Variants in ANO4 observed in about 807,000 individuals in gnomAD.
ANO4 encodes the protein anoctamin 4.
Under a neutral mutation model 141.9 loss-of-function variants are expected in ANO4, and 69 were observed. The observed-to-expected ratio is 0.49, with a 90% CI of 0.40 to 0.59. ANO4 has a LOEUF of 0.59. Ranked by LOEUF, ANO4 falls within the 20% of genes least tolerant of loss-of-function variation. The probability of loss-of-function intolerance (pLI) is 0.00; values close to 1 mark genes in which losing one functional copy is unlikely to be tolerated. For missense variants in ANO4, 894 were observed against 1,162.2 expected, an observed-to-expected ratio of 0.77 and a Z score of 3.36; for synonymous variants, 350 against 394.3, an observed-to-expected ratio of 0.89 and a Z score of 1.33.
chr12:101,088,900 T>A (rs922516445), intron 17 of ANO4, among the ~76,000 whole-genome samples: 18 of 147,988 alleles, frequency 1.2e-4, no homozygotes, highest in African/African-American at 3.6e-4. Flanking sequence ...ATTAAAAAAA[T>A]TTTAAAAGCT....
Position 101,126,870 on chromosome 12 carries a change from C to CTG in ANO4, c.2677-7_2677-6dup, listed in dbSNP as rs3832861. 0.37 allele frequency: 600,850 copies of CTG among 1,607,132 alleles called. 120,910 individuals carry two copies. The highest frequency in any genetic ancestry group is 0.79 in the African/African-American group (59,159 of 74,716). ...AGACCTGACGCTGTTACATTCTCCT[C>CTG]TGTTTTAGCACCTCGTGTTTTGTAT... On this transcript the variant is annotated splice_polypyrimidine_tract_variant and intron_variant, in intron 26 of 27. Coordinates refer to ENST00000392977, the MANE Select transcript of ANO4 (RefSeq NM_001286615.2).
intron 17 of ANO4, among the ~76,000 whole-genome samples, chr12:101,090,480 G>C (rs2049718755): frequency 6.6e-6 from 1 of 152,050 alleles, no homozygotes; most frequent in Non-Finnish European, 1.5e-5. Flanking sequence ...CCATCATTCT[G>C]AGCAAACTAT....
chr12:100,759,562 C>CA (rs2032769910), intron 3 of ANO4, among the ~76,000 whole-genome samples: 1 of 152,348 alleles, frequency 6.6e-6, no homozygotes, highest in Admixed American at 6.5e-5. Context: ...AGAACCCTCC[C>CA]ACATGCCTGC....
At chr12:100,872,570 A>G (rs2039087168) in intron 1 of ANO4, among the ~76,000 whole-genome samples, 1 of 152,230 alleles carries the variant, frequency 6.6e-6, no homozygotes, top group African/African-American at 2.4e-5. Context: ...TGCAAGTACA[A>G]TTATCTCCTC....
chr12:101,092,893 G>A (rs1431932630), intron 17 of ANO4, among the ~76,000 whole-genome samples: 1 of 151,992 alleles, frequency 6.6e-6, no homozygotes, highest in African/African-American at 2.4e-5. Flanking sequence ...TTTGAGAAAG[G>A]TTGTCTCATC....
At chr12:101,070,271 G>T (rs1448903776) in intron 14 of ANO4, among the ~76,000 whole-genome samples, 3 of 151,884 alleles carry the variant, frequency 2.0e-5, no homozygotes, top group Admixed American at 6.6e-5. Flanking sequence ...AAATTATACT[G>T]TAGATCTATA....
intron 3 of ANO4, among the ~76,000 whole-genome samples, chr12:100,767,122 A>G (rs1302655361): frequency 3.3e-5 from 5 of 152,118 alleles, no homozygotes; most frequent in African/African-American, 1.2e-4. Flanking sequence ...TAGGCAGCAT[A>G]TAGGTATATT....
At chr12:100,907,008 A>T (rs2040876519) in intron 2 of ANO4, among the ~76,000 whole-genome samples, 1 of 152,118 alleles carries the variant, frequency 6.6e-6, no homozygotes, top group African/African-American at 2.4e-5. Flanking sequence ...AGCCCAGTGG[A>T]AGGTTTTAGA....
Position 100,821,058 on chromosome 12 carries a change from C to G in ANO4, c.-141+26031C>G, listed in dbSNP as rs142401473. On this transcript the variant is annotated intron_variant, in intron 1 of 27. Transcript: ENST00000392977. ...TTTGAATGAAACCGCTGATGGTTGT[C>G]GAAACTAAAGGGACATTCCTATATT... Among the ~76,000 whole-genome samples the G allele has an allele frequency of 2.0e-3, 301 of 152,126 alleles. 1 individual carries two copies. Among genetic ancestry groups the G allele is most frequent in the African/African-American group, 6.7e-3 (280 of 41,538 alleles).
chr12:100,942,043 C>T lies in ANO4; in HGVS notation c.298-334C>T, dbSNP rs140419198. ...TTGCCCAGGCTGAAGTGCAGTGGCG[C>T]GATCTGGGCTCACTGCAACCTCCAC... On this transcript the variant is annotated intron_variant, in intron 4 of 27. Transcript: ENST00000392977. 7.5e-3 allele frequency among the ~76,000 whole-genome samples: 1,130 copies of T among 151,090 alleles called. 14 individuals carry two copies. The highest frequency in any genetic ancestry group is 0.026 in the African/African-American group (1,068 of 41,192).
intron 14 of ANO4, among the ~76,000 whole-genome samples, chr12:101,077,730 A>G (rs1180353961): frequency 3.3e-5 from 5 of 152,180 alleles, no homozygotes; most frequent in African/African-American, 1.2e-4. Flanking sequence ...AGTCTCACTA[A>G]GAAGAATAAA....
chr12:101,125,226 C>T (rs1021364028), intron 26 of ANO4, among the ~76,000 whole-genome samples: 2 of 152,006 alleles, frequency 1.3e-5, no homozygotes, highest in Non-Finnish European at 2.9e-5. Flanking sequence ...TCTTTTGCAG[C>T]AGTTGTGAAT....
At position 101,066,676 on chromosome 12, in the gene ANO4, C is replaced by T. The variant is rs114375794; in HGVS notation, c.1313-12517C>T. 3.9e-3 allele frequency: 2,495 copies of T among 634,190 alleles called. 52 individuals are homozygous for T. The highest frequency in any genetic ancestry group is 0.039 in the African/African-American group (2,165 of 55,328). The allele number at this position is 634,190 out of a possible 1,614,324, so 39.3% of individuals were successfully genotyped here. ...GTCCCCATCATGGCCCTGCGGTCGG[C>T]GGCCTCCTCCTGGAGCACAGCAAGG... On this transcript the variant is annotated intron_variant, in intron 14 of 27. Transcript: ENST00000392977.
At chr12:100,781,062 A>G (rs931586890) in intron 3 of ANO4, among the ~76,000 whole-genome samples, 1 of 152,320 alleles carries the variant, frequency 6.6e-6, no homozygotes, top group Non-Finnish European at 1.5e-5. Flanking sequence ...TCTCTTAAAC[A>G]TTCCGATTTT....
chr12:100,880,661 G>T (rs1346047756), intron 1 of ANO4, among the ~76,000 whole-genome samples: 2 of 152,100 alleles, frequency 1.3e-5, no homozygotes, highest in Non-Finnish European at 2.9e-5. Context: ...TTTTTTAATG[G>T]CTTGATCATT....
At chr12:101,033,081 T>A (rs1339683804) in intron 9 of ANO4, among the ~76,000 whole-genome samples, 1 of 152,136 alleles carries the variant, frequency 6.6e-6, no homozygotes, top group East Asian at 1.9e-4. Context: ...TGTCCAACAG[T>A]GGTAGACTGG....
At chr12:101,120,384 C>A in intron 25 of ANO4, 136 bp from the exon 26 acceptor site, 1 of 706,048 alleles carries the variant, frequency 1.4e-6, no homozygotes. Context: ...GCTGGACAAG[C>A]AAAACAACAG....
At position 100,923,211 on chromosome 12, in the gene ANO4, T is replaced by C. The variant is rs1171187556; in HGVS notation, c.160+881T>C. ...TACAGGTTTGATACATAGGTATACA[T>C]GTGCCATGTTGGTTTGCTGCACCCA... On this transcript the variant is annotated intron_variant, in intron 3 of 27. Coordinates refer to ENST00000392977, the MANE Select transcript of ANO4 (RefSeq NM_001286615.2). Among the ~76,000 whole-genome samples, 5 of 152,172 alleles carry C rather than the reference T, an allele frequency of 3.3e-5. No individual in the cohort carries two copies. In the East Asian group the frequency reaches 7.7e-4, roughly 23 times the overall value.
At chr12:100,787,558 G>A (rs2033913622) in intron 3 of ANO4, among the ~76,000 whole-genome samples, 1 of 152,128 alleles carries the variant, frequency 6.6e-6, no homozygotes, top group Non-Finnish European at 1.5e-5. Context: ...AAAAATCCTC[G>A]GGGTTGGCCA....
Sources: allele counts gnomAD v4.1 joint callset (sites outside exome capture counted in the v4.1 genomes callset), GRCh38; gene constraint gnomAD v4.1.1; transcripts MANE v1.5; gene names NCBI Gene and HGNC (gene_info 2026-07-23, HGNC 2026-07-21).